The following OPCML variants were observed in gnomAD, a reference collection of about 807,000 sequenced individuals.
OPCML encodes the protein opioid binding protein/cell adhesion molecule like, also known as opioid-binding protein/cell adhesion molecule.
In OPCML, 13 loss-of-function variants were observed where a neutral mutation model predicts 37.8. That is an observed-to-expected ratio of 0.34 (90% CI 0.22 to 0.55). The LOEUF is 0.55. Ranked by LOEUF, OPCML falls within the 20% of genes least tolerant of loss-of-function variation. The pLI, the probability that OPCML is intolerant of heterozygous loss-of-function variation, is 0.91. For missense variants in OPCML, 341 were observed against 435.6 expected (o/e 0.78, Z 1.93); for synonymous variants, 176 against 168.8 (o/e 1.04, Z -0.33).
At chr11:133,165,841 T>C (rs900628068) in intron 1 of OPCML, among the ~76,000 whole-genome samples, 1 of 152,158 alleles carries the variant, frequency 6.6e-6, no homozygotes, top group African/African-American at 2.4e-5. Context: ...CCCTGGTCCC[T>C]GGACCCTGAA....
intron 1 of OPCML, among the ~76,000 whole-genome samples, chr11:133,463,191 G>T (rs1315997994): frequency 7.2e-6 from 1 of 139,620 alleles, no homozygotes; most frequent in South Asian, 2.3e-4. Context: ...AAAAAAAATA[G>T]AAAGAAAATA....
intron 2 of OPCML, among the ~76,000 whole-genome samples, chr11:132,910,210 A>G (rs1324629320): frequency 6.6e-6 from 1 of 152,218 alleles, no homozygotes; most frequent in Admixed American, 6.5e-5. Flanking sequence ...GCATTCCCGA[A>G]TGGAGTCTGC....
chr11:133,415,298 T>C (rs1026305567), intron 1 of OPCML, among the ~76,000 whole-genome samples: 1 of 149,674 alleles, frequency 6.7e-6, no homozygotes, highest in African/African-American at 2.5e-5. Context: ...TAGTCCCAGC[T>C]ACTCGGGAGG....
intron 4 of OPCML, among the ~76,000 whole-genome samples, chr11:132,446,035 G>A (rs1198978196): frequency 6.8e-6 from 1 of 146,628 alleles, no homozygotes; most frequent in East Asian, 2.1e-4. Flanking sequence ...CAAACGAAGA[G>A]CATGAAGACA....
intron 1 of OPCML, among the ~76,000 whole-genome samples, chr11:133,438,487 G>A (rs78913224): frequency 0.018 from 2,666 of 152,260 alleles, 51 homozygotes; most frequent in East Asian, 0.055. Flanking sequence ...AAAATAAAAT[G>A]CAGTTACATG....
intron 3 of OPCML, among the ~76,000 whole-genome samples, chr11:132,557,080 C>T (rs1394504688): frequency 6.6e-6 from 1 of 152,060 alleles, no homozygotes; most frequent in Non-Finnish European, 1.5e-5. Flanking sequence ...TTATTCTTAC[C>T]CTAGTTGACT....
intron 2 of OPCML, among the ~76,000 whole-genome samples, chr11:132,754,987 A>G (rs994812770): frequency 1.3e-5 from 2 of 152,234 alleles, no homozygotes; most frequent in Non-Finnish European, 2.9e-5. Flanking sequence ...TTTGTACCAC[A>G]CTAATGTGTA....
intron 1 of OPCML, among the ~76,000 whole-genome samples, chr11:133,035,102 T>C (rs975499811): frequency 1.3e-5 from 2 of 152,164 alleles, no homozygotes; most frequent in African/African-American, 4.8e-5. Flanking sequence ...GCATTATCCC[T>C]TCCTGATTTA....
Position 132,871,004 on chromosome 11 carries a change from A to G in OPCML, c.146+71922T>C, listed in dbSNP as rs78941739. 7.8e-3 allele frequency among the ~76,000 whole-genome samples: 1,184 copies of G among 152,310 alleles called. 22 individuals are homozygous for G. Among genetic ancestry groups the G allele is most frequent in the African/African-American group, 0.026 (1,079 of 41,550 alleles). ...TTATACAACACAGTGACTATAGTTA[A>G]TAACAATGTTTCCTGTTCCTGAAAA... On this transcript the variant is annotated intron_variant, in intron 2 of 7. Coordinates refer to ENST00000524381, the MANE Select transcript of OPCML (RefSeq NM_001012393.5).
At chr11:133,167,652 C>T in intron 1 of OPCML, among the ~76,000 whole-genome samples, 1 of 152,010 alleles carries the variant, frequency 6.6e-6, no homozygotes, top group East Asian at 1.9e-4. Context: ...TGCATAATCT[C>T]CAGGGTGATT....
At chr11:133,321,833 T>C (rs575460462) in intron 1 of OPCML, among the ~76,000 whole-genome samples, 27 of 152,176 alleles carry the variant, frequency 1.8e-4, no homozygotes, top group African/African-American at 6.5e-4. Context: ...CCATGGAAAA[T>C]ACCTGCGTGA....
chr11:132,810,333 A>G (rs996770790), intron 2 of OPCML, among the ~76,000 whole-genome samples: 2 of 152,198 alleles, frequency 1.3e-5, no homozygotes, highest in Admixed American at 1.3e-4. Flanking sequence ...AACCTTGCCT[A>G]GGTGGATACA....
intron 3 of OPCML, among the ~76,000 whole-genome samples, chr11:132,638,095 G>C (rs1370047754): frequency 2.0e-5 from 3 of 150,596 alleles, no homozygotes; most frequent in African/African-American, 7.3e-5. Context: ...GCACTACGTG[G>C]AGAAGCATAG....
chr11:132,845,327 G>T (rs753330950), intron 2 of OPCML, among the ~76,000 whole-genome samples: 3 of 152,152 alleles, frequency 2.0e-5, no homozygotes, highest in Admixed American at 6.5e-5. Context: ...ATTTACAGAT[G>T]ATGATGGCAA....
intron 4 of OPCML, among the ~76,000 whole-genome samples, chr11:132,516,517 G>C (rs189860024): frequency 2.6e-5 from 4 of 152,204 alleles, no homozygotes; most frequent in African/African-American, 9.6e-5. Context: ...TAAGTCATTT[G>C]TGTTCTTCTG....
intron 2 of OPCML, among the ~76,000 whole-genome samples, chr11:132,906,406 A>C (rs1373811160): frequency 6.6e-6 from 1 of 152,168 alleles, no homozygotes; most frequent in Non-Finnish European, 1.5e-5. Context: ...TTGCTTCCCT[A>C]AGAACCGCCC....
At chr11:132,468,926 T>G (rs992272263) in intron 4 of OPCML, among the ~76,000 whole-genome samples, 7 of 152,216 alleles carry the variant, frequency 4.6e-5, no homozygotes, top group Non-Finnish European at 1.0e-4. Flanking sequence ...CCACAGGCAC[T>G]CCACACTCAA....
chr11:132,673,817 CA>C (rs556053451), intron 2 of OPCML, among the ~76,000 whole-genome samples: 1 of 152,028 alleles, frequency 6.6e-6, no homozygotes, highest in African/African-American at 2.4e-5. Flanking sequence ...GAATTGGGGC[CA>C]AAAACTGAAT....
At chr11:132,770,945 C>T (rs1946616407) in intron 2 of OPCML, among the ~76,000 whole-genome samples, 1 of 152,120 alleles carries the variant, frequency 6.6e-6, no homozygotes, top group African/African-American at 2.4e-5. Context: ...TGGCCTTGAC[C>T]CTTAAATCTC....
Sources: allele counts gnomAD v4.1 joint callset (sites outside exome capture counted in the v4.1 genomes callset), GRCh38; gene constraint gnomAD v4.1.1; transcripts MANE v1.5; gene names NCBI Gene and HGNC (gene_info 2026-07-23, HGNC 2026-07-21).